EXOC4: variants seen among roughly 807,000 people sequenced by gnomAD.
EXOC4 encodes exocyst complex component 4, also known as SEC8-like 1.
EXOC4 carries 71 observed loss-of-function variants against 107.2 expected under a neutral mutation model. The ratio of observed to expected loss-of-function variants is 0.66; its 90% CI spans 0.55 to 0.81. The LOEUF (loss-of-function observed/expected upper bound fraction) is 0.81, where lower values mean the gene tolerates loss of function less well. Ranked by LOEUF, EXOC4 falls within the 30% of genes least tolerant of loss-of-function variation. The pLI, the probability that EXOC4 is intolerant of heterozygous loss-of-function variation, is 0.00. For synonymous variants in EXOC4, 456 were observed against 441.2 expected (o/e 1.03, Z -0.42); for missense variants, 1,108 against 1,189.6 (o/e 0.93, Z 1.01).
intron 12 of EXOC4, among the ~76,000 whole-genome samples, chr7:133,902,731 C>T (rs1202583052): frequency 6.6e-6 from 1 of 151,770 alleles, no homozygotes; most frequent in Non-Finnish European, 1.5e-5. Context: ...GGCAGGTGCC[C>T]GTAGTCCCAA....
At chr7:133,479,970 A>G in intron 8 of EXOC4, 80 bp from the exon 9 acceptor site, 2 of 1,150,540 alleles carry the variant, frequency 1.7e-6, no homozygotes, top group Admixed American at 3.4e-5. Context: ...AGACCAGAGT[A>G]GAATAATGTG....
At chr7:133,561,464 C>A (rs771015962) in intron 9 of EXOC4, among the ~76,000 whole-genome samples, 11 of 152,098 alleles carry the variant, frequency 7.2e-5, no homozygotes, top group Non-Finnish European at 8.8e-5. Context: ...TTATACAGTG[C>A]GGAAAAGGTC....
At chr7:133,432,535 C>G (rs972556895) in intron 7 of EXOC4, among the ~76,000 whole-genome samples, 1 of 152,126 alleles carries the variant, frequency 6.6e-6, no homozygotes, top group Non-Finnish European at 1.5e-5. Context: ...TCCTCTCCCC[C>G]CTTTATATCT....
intron 17 of EXOC4, among the ~76,000 whole-genome samples, chr7:134,046,758 C>A (rs959721180): frequency 9.9e-5 from 15 of 152,156 alleles, no homozygotes; most frequent in African/African-American, 3.6e-4. Context: ...GACTCCCATG[C>A]CTTTGCATTT....
chr7:133,832,241 C>T (rs1217076165), intron 11 of EXOC4, among the ~76,000 whole-genome samples: 1 of 152,196 alleles, frequency 6.6e-6, no homozygotes, highest in Non-Finnish European at 1.5e-5. Context: ...TTGTTTTACA[C>T]ATTTGTAATA....
At chr7:133,482,533 C>T (rs1222783854) in intron 9 of EXOC4, among the ~76,000 whole-genome samples, 2 of 152,144 alleles carry the variant, frequency 1.3e-5, no homozygotes, top group African/African-American at 4.8e-5. Flanking sequence ...GGTCCACGCT[C>T]TCTTGAGAGA....
intron 11 of EXOC4, among the ~76,000 whole-genome samples, chr7:133,853,398 A>AC (rs1585199090): frequency 4.2e-5 from 5 of 120,078 alleles, no homozygotes; most frequent in Admixed American, 8.3e-5. Context: ...ACACACACAC[A>AC]ACTTTTTAGA....
At chr7:133,543,638 T>G (rs1165606084) in intron 9 of EXOC4, among the ~76,000 whole-genome samples, 1 of 152,148 alleles carries the variant, frequency 6.6e-6, no homozygotes, top group African/African-American at 2.4e-5. Context: ...TATCTAGCCT[T>G]TAATATTTTA....
At chr7:133,879,932 T>TGGCA (rs1798930224) in intron 11 of EXOC4, among the ~76,000 whole-genome samples, 1 of 152,176 alleles carries the variant, frequency 6.6e-6, no homozygotes. Flanking sequence ...TTCCACAAGC[T>TGGCA]GGCACCCCCA....
At chr7:133,277,474 C>T (rs1266514327) in intron 2 of EXOC4, among the ~76,000 whole-genome samples, 5 of 152,188 alleles carry the variant, frequency 3.3e-5, no homozygotes, top group South Asian at 4.1e-4. Context: ...CATTCTGAGT[C>T]GATAACATCT....
chr7:133,648,738 A>G (rs908256810), intron 10 of EXOC4, among the ~76,000 whole-genome samples: 1 of 152,224 alleles, frequency 6.6e-6, no homozygotes, highest in African/African-American at 2.4e-5. Flanking sequence ...CAGAAACGTC[A>G]TTAATTTTTA....
At chr7:133,985,929 C>G (rs1794103174) in intron 14 of EXOC4, among the ~76,000 whole-genome samples, 1 of 152,164 alleles carries the variant, frequency 6.6e-6, no homozygotes, top group South Asian at 2.1e-4. Context: ...CTTAATAAAT[C>G]CCTTTCATCT....
intron 10 of EXOC4, among the ~76,000 whole-genome samples, chr7:133,805,442 T>A (rs1797052173): frequency 6.6e-6 from 1 of 152,188 alleles, no homozygotes; most frequent in Non-Finnish European, 1.5e-5. Flanking sequence ...ATTTCTTGAG[T>A]TTCTTACCTA....
intron 10 of EXOC4, among the ~76,000 whole-genome samples, chr7:133,660,092 G>T (rs1803403319): frequency 1.3e-5 from 2 of 152,016 alleles, no homozygotes; most frequent in South Asian, 2.1e-4. Flanking sequence ...GTTTGTTATT[G>T]CCCTGGAGCA....
chr7:133,634,471 T>G (rs1161398461), intron 10 of EXOC4, among the ~76,000 whole-genome samples: 1 of 145,840 alleles, frequency 6.9e-6, no homozygotes, highest in East Asian at 2.0e-4. Flanking sequence ...TTAATGATAG[T>G]TTTTTTTTTG....
At position 133,411,325 on chromosome 7, in the gene EXOC4, G is replaced by A. The variant is rs1797351031; in HGVS notation, c.1182+36323G>A. ...GGATACAAAGTCTTAAATAGTTTGT[G>A]TTAGTCAAATATAAAGAAGTTGAAG... On this transcript the variant is annotated intron_variant, in intron 7 of 17. Coordinates refer to ENST00000253861, the MANE Select transcript of EXOC4 (RefSeq NM_021807.4). Among the ~76,000 whole-genome samples the A allele has an allele frequency of 3.9e-5, 6 of 152,112 alleles. No homozygotes were observed. In the South Asian group the frequency reaches 1.2e-3, roughly 31 times the overall value.
intron 10 of EXOC4, among the ~76,000 whole-genome samples, chr7:133,757,841 C>A (rs572384049): frequency 3.3e-5 from 5 of 152,106 alleles, no homozygotes; most frequent in Non-Finnish European, 7.3e-5. Flanking sequence ...CTATTATTAT[C>A]CCTCATTTTT....
At chr7:134,003,497 C>T (rs1424676845) in intron 15 of EXOC4, among the ~76,000 whole-genome samples, 2 of 152,082 alleles carry the variant, frequency 1.3e-5, no homozygotes, top group South Asian at 4.1e-4. Context: ...AAAGCGTGGT[C>T]GCATCATTAG....
chr7:133,780,788 C>T (rs970261099), intron 10 of EXOC4, among the ~76,000 whole-genome samples: 11 of 152,150 alleles, frequency 7.2e-5, no homozygotes, highest in Non-Finnish European at 1.5e-4. Context: ...AGCTGTGCTC[C>T]CCAAAGCGGA....
Sources: gnomAD v4.1 joint callset for allele counts (sites outside exome capture counted in the v4.1 genomes callset) on GRCh38, gnomAD v4.1.1 for gene constraint, MANE v1.5 for transcripts, NCBI Gene and HGNC (gene_info 2026-07-23, HGNC 2026-07-21) for gene names.